Variants in PROS1 observed in about 807,000 individuals in gnomAD.
PROS1 encodes the protein vitamin K-dependent protein S.
In PROS1, 29 loss-of-function variants were observed where a neutral mutation model predicts 75.9. The ratio of observed to expected loss-of-function variants is 0.38; its 90% CI spans 0.28 to 0.52. The LOEUF (loss-of-function observed/expected upper bound fraction) is 0.52, where lower values mean the gene tolerates loss of function less well. Among genes scored for constraint, PROS1 ranks in the 20% least tolerant of loss-of-function variants. PROS1 has a pLI of 0.83. For missense variants in PROS1, 680 were observed against 810.3 expected (o/e 0.84, Z 1.95); for synonymous variants, 245 against 280.6 (o/e 0.87, Z 1.27).
At chr3:93,906,166 T>A (rs760121908) in intron 4 of PROS1, 23 bp from the exon 5 acceptor site, 16 of 1,611,336 alleles carry the variant, frequency 9.9e-6, no homozygotes, top group Non-Finnish European at 1.3e-5. Context: ...GACATCTATT[T>A]ATTTTTTTTA....
chr3:93,878,192 A>C (rs1708219217), intron 13 of PROS1, among the ~76,000 whole-genome samples: 1 of 152,196 alleles, frequency 6.6e-6, no homozygotes, highest in South Asian at 2.1e-4. Context: ...TAAGATAAGA[A>C]TTCCATTTTG....
chr3:93,962,851 G>T (rs1709727243), intron 1 of PROS1, among the ~76,000 whole-genome samples: 1 of 152,200 alleles, frequency 6.6e-6, no homozygotes, highest in Non-Finnish European at 1.5e-5. Context: ...TAAGGTAGAA[G>T]AATAAATTTT....
chr3:93,908,115 T>G (rs1379998544), intron 4 of PROS1, among the ~76,000 whole-genome samples: 1 of 152,174 alleles, frequency 6.6e-6, no homozygotes, highest in Non-Finnish European at 1.5e-5. Context: ...GCCACTGTGA[T>G]AGAGCCAGGC....
intron 10 of PROS1, among the ~76,000 whole-genome samples, chr3:93,888,607 C>CTT (rs1708384624): frequency 6.6e-6 from 1 of 152,130 alleles, no homozygotes; most frequent in Admixed American, 6.5e-5. Flanking sequence ...TAAAACCCCT[C>CTT]TTTATGCTGA....
chr3:93,964,153 G>A (rs757054265), intron 1 of PROS1, among the ~76,000 whole-genome samples: 6 of 152,080 alleles, frequency 3.9e-5, no homozygotes, highest in Admixed American at 3.3e-4. Context: ...ATTGTAAAAC[G>A]TGTGTTTGAA....
chr3:93,927,228 G>C (rs780838546), intron 2 of PROS1, 22 bp downstream of exon 2: 1 of 1,612,024 alleles, frequency 6.2e-7, no homozygotes, highest in South Asian at 1.1e-5. Context: ...GTGTGAACTT[G>C]ATAGTTTCCA....
At chr3:93,887,175 C>T (rs1280111589) in intron 10 of PROS1, among the ~76,000 whole-genome samples, 2 of 152,124 alleles carry the variant, frequency 1.3e-5, no homozygotes, top group African/African-American at 4.8e-5. Context: ...GCCTTGGCCT[C>T]CCAAAGTGCT....
At chr3:93,888,952 A>T (rs1367542897) in intron 10 of PROS1, among the ~76,000 whole-genome samples, 1 of 152,072 alleles carries the variant, frequency 6.6e-6, no homozygotes. Flanking sequence ...ATTCTAGACC[A>T]CGTTTCTAAC....
chr3:93,906,210 T>G (rs1056219753), intron 4 of PROS1, 67 bp from the exon 5 acceptor site: 34 of 1,557,986 alleles, frequency 2.2e-5, no homozygotes, highest in Non-Finnish European at 2.9e-5. Context: ...TTGTGTGTAC[T>G]ATAATAAAAA....
intron 6 of PROS1, among the ~76,000 whole-genome samples, chr3:93,902,751 A>G (rs1708615255): frequency 6.8e-6 from 1 of 146,974 alleles, no homozygotes; most frequent in African/African-American, 2.5e-5. Flanking sequence ...CTCTGTCTCA[A>G]AAAAAAAAAA....
intron 1 of PROS1, among the ~76,000 whole-genome samples, chr3:93,941,982 C>T (rs1232587649): frequency 6.6e-6 from 1 of 152,166 alleles, no homozygotes; most frequent in Non-Finnish European, 1.5e-5. Flanking sequence ...TTCAATCCAG[C>T]CTCCCACATT....
At chr3:93,879,026 TG>T in intron 13 of PROS1, 136 bp downstream of exon 13, 1 of 902,068 alleles carries the variant, frequency 1.1e-6, no homozygotes, top group Non-Finnish European at 1.7e-6. Flanking sequence ...AATGATGTGC[TG>T]GAGATTGTGC....
chr3:93,949,551 T>TA (rs1709459485), intron 1 of PROS1, among the ~76,000 whole-genome samples: 1 of 151,992 alleles, frequency 6.6e-6, no homozygotes, highest in Non-Finnish European at 1.5e-5. Context: ...AGATGCCACT[T>TA]ACATGAAAGA....
intron 1 of PROS1, among the ~76,000 whole-genome samples, chr3:93,941,607 C>T (rs1223829394): frequency 6.6e-6 from 1 of 152,158 alleles, no homozygotes; most frequent in African/African-American, 2.4e-5. Flanking sequence ...GAGACTGCTC[C>T]CACACTAGCT....
intron 1 of PROS1, among the ~76,000 whole-genome samples, chr3:93,953,690 CA>C (rs1485601615): frequency 6.6e-6 from 1 of 152,150 alleles, no homozygotes; most frequent in Admixed American, 6.5e-5. Flanking sequence ...CCTCTCTCAC[CA>C]CTTGTATTCA....
intron 1 of PROS1, among the ~76,000 whole-genome samples, chr3:93,949,876 G>C (rs1355966633): frequency 6.6e-6 from 1 of 152,072 alleles, no homozygotes; most frequent in Non-Finnish European, 1.5e-5. Flanking sequence ...AGCCAAAGCA[G>C]GGGGGGCATT....
chr3:93,893,135 C>T lies in PROS1; in HGVS notation c.966-13G>A, dbSNP rs1203780514. On this transcript the variant is annotated splice_polypyrimidine_tract_variant and intron_variant, in intron 9 of 14. Transcript: ENST00000394236. ...TTCTGCTGAAAATCTAAACAATGGA[C>T]AAAGAGAGATCCTTAAGAGTAAGAA... 1 of 1,601,352 alleles carries T rather than the reference C, an allele frequency of 6.2e-7. No homozygotes were observed. Among genetic ancestry groups the T allele is most frequent in the Admixed American group, 1.7e-5 (1 of 58,906 alleles).
chr3:93,928,780 T>C (rs1709064766), intron 1 of PROS1: 3 of 1,275,620 alleles, frequency 2.4e-6, no homozygotes, highest in African/African-American at 3.1e-5. Context: ...ATAAAATCAT[T>C]TCTAAAATAT....
chr3:93,929,436 A>T (rs1709072896), intron 1 of PROS1, among the ~76,000 whole-genome samples: 1 of 152,090 alleles, frequency 6.6e-6, no homozygotes, highest in South Asian at 2.1e-4. Flanking sequence ...AGCTATGATC[A>T]CACCACTGCA....
Sources: gnomAD v4.1 joint callset for allele counts (sites outside exome capture counted in the v4.1 genomes callset) on GRCh38, gnomAD v4.1.1 for gene constraint, MANE v1.5 for transcripts, NCBI Gene and HGNC (gene_info 2026-07-23, HGNC 2026-07-21) for gene names.